The following ABCG2 variants were observed in gnomAD, a reference collection of about 807,000 sequenced individuals.
ABCG2 encodes broad substrate specificity ATP-binding cassette transporter ABCG2.
ABCG2 carries 80 observed loss-of-function variants against 73.5 expected under a neutral mutation model. The observed-to-expected ratio is 1.09, with a 90% CI of 0.91 to 1.31. The LOEUF (loss-of-function observed/expected upper bound fraction) is 1.31. Ranked by LOEUF, ABCG2 falls within the 50% of genes most tolerant of loss-of-function variation. ABCG2 has a pLI of 0.00. For synonymous variants in ABCG2, 269 were observed against 282.4 expected, an observed-to-expected ratio of 0.95 and a Z score of 0.48; for missense variants, 796 against 786.2, an observed-to-expected ratio of 1.01 and a Z score of -0.15.
intron 10 of ABCG2, among the ~76,000 whole-genome samples, chr4:88,104,951 T>G (rs990614611): frequency 5.9e-5 from 9 of 152,208 alleles, no homozygotes; most frequent in Non-Finnish European, 1.3e-4. Flanking sequence ...GGTTACTCCA[T>G]GTCCTCTCCA....
intron 5 of ABCG2, among the ~76,000 whole-genome samples, chr4:88,126,048 A>C (rs1257940636): frequency 6.6e-6 from 1 of 152,108 alleles, no homozygotes; most frequent in East Asian, 1.9e-4. Context: ...TAGACTAATA[A>C]AGAAGAGAGA....
intron 1 of ABCG2, among the ~76,000 whole-genome samples, chr4:88,197,694 A>C (rs1474427800): frequency 4.6e-5 from 7 of 152,072 alleles, no homozygotes; most frequent in Non-Finnish European, 8.8e-5. Context: ...AGTCCTAGCT[A>C]CTTGGGAGAC....
chr4:88,142,841 G>A (rs1003691265), intron 1 of ABCG2, among the ~76,000 whole-genome samples: 19 of 152,034 alleles, frequency 1.2e-4, no homozygotes, highest in Admixed American at 9.8e-4. Context: ...TCGGCTACTC[G>A]GGAGGCTGAG....
At chr4:88,210,328 G>C (rs6815128) in intron 1 of ABCG2, among the ~76,000 whole-genome samples, 144,396 of 152,258 alleles carry the variant, frequency 0.95, 68,936 homozygotes, top group East Asian at 1. Flanking sequence ...GCTGGGACTG[G>C]AGGCAGGCAC....
intron 1 of ABCG2, among the ~76,000 whole-genome samples, chr4:88,226,092 A>G (rs912529480): frequency 1.3e-5 from 2 of 152,218 alleles, no homozygotes; most frequent in Non-Finnish European, 2.9e-5. Flanking sequence ...AAACCATATC[A>G]CTTAGTTTAA....
intron 1 of ABCG2, among the ~76,000 whole-genome samples, chr4:88,214,955 C>G (rs1729754547): frequency 6.7e-6 from 1 of 149,926 alleles, no homozygotes; most frequent in Non-Finnish European, 1.5e-5. Flanking sequence ...AGCCATGCAA[C>G]ATGGTGCACA....
intron 2 of ABCG2, among the ~76,000 whole-genome samples, chr4:88,138,984 T>C (rs1725430573): frequency 1.3e-5 from 2 of 151,594 alleles, no homozygotes; most frequent in South Asian, 4.2e-4. Flanking sequence ...TGACTAAAAA[T>C]ACAAAAATTA....
intron 1 of ABCG2, among the ~76,000 whole-genome samples, chr4:88,211,286 G>C (rs1190489247): frequency 6.6e-6 from 1 of 150,924 alleles, no homozygotes; most frequent in Non-Finnish European, 1.5e-5. Context: ...CATACTGGTG[G>C]GGACTGAGCT....
Position 88,140,022 on chromosome 4 carries a change from C to G in ABCG2, c.-19-8G>C, listed in dbSNP as rs201830568. 51 of 1,606,624 alleles carry G rather than the reference C, an allele frequency of 3.2e-5. 1 individual carries two copies. In the African/African-American group the frequency reaches 6.1e-4, roughly 19 times the overall value. ...TGGAGAGTTTTTATCTTTCTGCAGA[C>G]AGAAAAGCAATAGTAAGTTGATAGT... On this transcript the variant is annotated splice_polypyrimidine_tract_variant and splice_region_variant and intron_variant, in intron 1 of 15. Coordinates refer to ENST00000237612, the MANE Select transcript of ABCG2 (RefSeq NM_004827.3).
At chr4:88,191,437 C>G (rs1470543988) in intron 1 of ABCG2, among the ~76,000 whole-genome samples, 1 of 151,882 alleles carries the variant, frequency 6.6e-6, no homozygotes, top group Non-Finnish European at 1.5e-5. Context: ...TAGCTATAAT[C>G]AAAAAGACCT....
intron 9 of ABCG2, among the ~76,000 whole-genome samples, chr4:88,107,998 T>C (rs375770756): frequency 7.2e-5 from 11 of 152,344 alleles, no homozygotes; most frequent in African/African-American, 2.6e-4. Context: ...GTGAGGCCTA[T>C]AGCCAATGCT....
intron 1 of ABCG2, among the ~76,000 whole-genome samples, chr4:88,155,604 A>G (rs1023358887): frequency 6.6e-6 from 1 of 152,236 alleles, no homozygotes; most frequent in African/African-American, 2.4e-5. Flanking sequence ...TATACATAAA[A>G]AGTTCAAAAG....
chr4:88,139,830 G>A lies in ABCG2; in HGVS notation c.166C>T (p.Arg56Ter), dbSNP rs201034377. ...AATATTTCTTTCTCAACTGGTTTTC[G>A]ACAAGGTAGAAAGCCACTCTTCAGT... ...VKLKSGFLPCRKPVEKEILSN... is the reference protein window; with the variant it reads ...VKLKSGFLPC Residue 56 changes from arginine to a stop codon, truncating the protein, a stop_gained, in exon 2 of 16, where the codon CGA becomes TGA. Coordinates refer to ENST00000237612, the MANE Select transcript of ABCG2 (RefSeq NM_004827.3). LOFTEE classifies it high-confidence loss of function. 1.4e-5 allele frequency: 22 copies of A among 1,613,954 alleles called. No individual in the cohort carries two copies. Among genetic ancestry groups the A allele is most frequent in the East Asian group, 4.5e-5 (2 of 44,872 alleles).
At chr4:88,098,689 C>A (rs62310573) in intron 12 of ABCG2, among the ~76,000 whole-genome samples, 1 of 48,696 alleles carries the variant, frequency 2.1e-5, no homozygotes, top group Non-Finnish European at 5.8e-5. Flanking sequence ...GATAGATAGA[C>A]AGATAGAAAA....
intron 1 of ABCG2, among the ~76,000 whole-genome samples, chr4:88,188,705 T>C (rs892813195): frequency 6.6e-6 from 1 of 152,206 alleles, no homozygotes; most frequent in African/African-American, 2.4e-5. Context: ...TTGGGTAGTA[T>C]TGCCATCCTA....
intron 1 of ABCG2, among the ~76,000 whole-genome samples, chr4:88,202,354 T>TG (rs1553945717): frequency 1.6e-5 from 1 of 62,086 alleles, no homozygotes; most frequent in Non-Finnish European, 3.2e-5. Context: ...CTACAATTAT[T>TG]TATATATATA....
chr4:88,169,314 C>T (rs1017733196), intron 1 of ABCG2, among the ~76,000 whole-genome samples: 1 of 152,044 alleles, frequency 6.6e-6, no homozygotes, highest in African/African-American at 2.4e-5. Context: ...AAAGTGCTGG[C>T]ATTACAGGCA....
intron 1 of ABCG2, among the ~76,000 whole-genome samples, chr4:88,219,727 G>T (rs1193570096): frequency 6.7e-6 from 1 of 150,216 alleles, no homozygotes; most frequent in Admixed American, 6.7e-5. Flanking sequence ...GACTACAGGC[G>T]CACAGTGCCA....
chr4:88,145,523 C>T (rs771739435), intron 1 of ABCG2, among the ~76,000 whole-genome samples: 7 of 152,096 alleles, frequency 4.6e-5, no homozygotes, highest in African/African-American at 9.7e-5. Context: ...ATCTGGAGAA[C>T]GCGGCCTAAT....
Sources: allele counts gnomAD v4.1 joint callset (sites outside exome capture counted in the v4.1 genomes callset), GRCh38; gene constraint gnomAD v4.1.1; transcripts MANE v1.5; gene names NCBI Gene and HGNC (gene_info 2026-07-23, HGNC 2026-07-21).